SLC22A31: variants seen among roughly 807,000 people sequenced by gnomAD.
SLC22A31 encodes the protein putative solute carrier family 22 member 31.
SLC22A31 carries 42 observed loss-of-function variants against 27.4 expected under a neutral mutation model. That is an observed-to-expected ratio of 1.53 (90% CI 1.20 to 1.98). The LOEUF (loss-of-function observed/expected upper bound fraction) is 1.98, where lower values mean the gene tolerates loss of function less well. Among genes scored for constraint, SLC22A31 ranks in the 30% most tolerant of loss-of-function variants. The pLI is 0.00. For synonymous variants in SLC22A31, 290 were observed against 230.8 expected (o/e 1.26, Z -2.33); for missense variants, 593 against 479.9 (o/e 1.24, Z -2.20).
In SLC22A31 at chr16:89,198,742, C is replaced by G; in HGVS notation, c.508G>C (p.Ala170Pro). The change falls in exon 5 of 9, where the codon GCT becomes CCT. Residue 170 changes from alanine (A) to proline (P), a missense_variant. Ala to Pro is a conservative substitution (Grantham distance 27, BLOSUM62 -1). Transcript: ENST00000682282. The part of the protein sequence containing the change: ...PCWLLATGQV[A>P]RARKILWRFA... ...CGCCACAGGATCTTCCTGGCTCGAG[C>G]TACCTGACCTGTGGCCAGCAGCCAG... 1 of 1,535,610 alleles carries G rather than the reference C, an allele frequency of 6.5e-7. No homozygotes were observed. Among genetic ancestry groups the G allele is most frequent in the Non-Finnish European group, 8.7e-7 (1 of 1,146,638 alleles).
In SLC22A31 at chr16:89,195,868, G is replaced by T. The variant is rs780584117; in HGVS notation, c.*131C>A. On this transcript the variant is annotated 3_prime_UTR_variant, in exon 9 of 9. Transcript: ENST00000682282. ...GGAGACACCTTCACGCTGTCCCCACGGCTCCACCTGCACTGAGACACGGGC... is the reference window on the plus strand; with the variant it reads ...GGAGACACCTTCACGCTGTCCCCACTGCTCCACCTGCACTGAGACACGGGC... The T allele has an allele frequency of 2.7e-6, 3 of 1,115,610 alleles. No homozygotes were observed. In the South Asian group the frequency reaches 5.2e-5, roughly 20 times the overall value. The allele number at this position is 1,115,610 out of a possible 1,614,324, so 69.1% of individuals were successfully genotyped here. A position where few individuals can be genotyped will look rare whatever the true frequency, so the allele number is the denominator to read the frequency against.
intron 8 of SLC22A31, among the ~76,000 whole-genome samples, chr16:89,197,008 T>C (rs1398016808): frequency 6.6e-6 from 1 of 151,230 alleles, no homozygotes; most frequent in Non-Finnish European, 1.5e-5. Flanking sequence ...AATTCTGCCA[T>C]TTCTGGAGGC....
At position 89,196,200 on chromosome 16, in the gene SLC22A31, G is replaced by T. The variant is rs1208830461; in HGVS notation, c.1140C>A (p.Val380=). The T allele has an allele frequency of 3.3e-6, 5 of 1,535,002 alleles. No homozygotes were observed. Among genetic ancestry groups the T allele is most frequent in the Non-Finnish European group, 4.4e-6 (5 of 1,146,534 alleles). The part of the protein sequence containing the change: ...GRQGFFLQQV[V]FASLAVLALL... The stretch of plus-strand genomic sequence containing the variant: ...GGGCAAGGACAGCAAGGGAGGCGAA[G>T]ACGACTTGTTGCAGGAAGAAGCCCT... The change falls in exon 9 of 9, where the codon GTC becomes GTA. Residue 380 remains valine (V), a synonymous_variant. Coordinates refer to ENST00000682282, the MANE Select transcript of SLC22A31 (RefSeq NM_001384763.1).
At position 89,199,833 on chromosome 16, in the gene SLC22A31, C is replaced by G. The variant is rs1916377369; in HGVS notation, c.25-17G>C. 2.5e-6 allele frequency: 1 copy of G among 402,026 alleles called. No homozygotes were observed. Among genetic ancestry groups the G allele is most frequent in the Middle Eastern group, 3.1e-4 (1 of 3,208 alleles). 24.9% of individuals were successfully genotyped at this position (402,026 alleles called of 1,614,324 possible). On this transcript the variant is annotated splice_polypyrimidine_tract_variant and intron_variant, in intron 1 of 8. Coordinates refer to ENST00000682282, the MANE Select transcript of SLC22A31 (RefSeq NM_001384763.1). Reference sequence around the variant, plus strand: ...AAGGTTCCACTATGGGGAACAGCAGCCACGTGGAGGCCAGCTCAGGACCCT... The same window carrying G: ...AAGGTTCCACTATGGGGAACAGCAGGCACGTGGAGGCCAGCTCAGGACCCT...
chr16:89,199,072 G>A lies in SLC22A31; in HGVS notation c.403C>T (p.Leu135=). Residue 135 remains leucine (L), a synonymous_variant, in exon 4 of 9, where the codon CTG becomes TTG. Coordinates refer to ENST00000682282, the MANE Select transcript of SLC22A31 (RefSeq NM_001384763.1). ...CTCATCAGGGCACCCAGCCCCTGCAGAAGACGCCAGTCCTGCACAAGCGCA... is the reference window on the plus strand; with the variant it reads ...CTCATCAGGGCACCCAGCCCCTGCAAAAGACGCCAGTCCTGCACAAGCGCA... ...LAALVQDWRL[L]QGLGALMSGL... 1.3e-6 allele frequency: 2 copies of A among 1,535,664 alleles called. No homozygotes were observed. The highest frequency in any genetic ancestry group is 2.7e-5 in the African/African-American group (2 of 73,146).
In SLC22A31 at chr16:89,196,223, C is replaced by A; in HGVS notation, c.1117G>T (p.Gly373Cys). 1 of 1,534,702 alleles carries A rather than the reference C, an allele frequency of 6.5e-7. No homozygotes were observed. Among genetic ancestry groups the A allele is most frequent in the Non-Finnish European group, 8.7e-7 (1 of 1,146,490 alleles). ...AAGACGACTTGTTGCAGGAAGAAGC[C>A]CTGCCGGCCGTGCAGGGTGTCCAGG... ...GPLDTLHGRQGFFLQQVVFAS... is the reference protein window; with the variant it reads ...GPLDTLHGRQCFFLQQVVFAS... The change falls in exon 9 of 9, where the codon GGC (glycine) becomes TGC (cysteine). Residue 373 changes from glycine (G) to cysteine (C), a missense_variant. Coordinates refer to ENST00000682282, the MANE Select transcript of SLC22A31 (RefSeq NM_001384763.1).
Position 89,199,094 on chromosome 16 carries a change from C to G in SLC22A31, c.381G>C (p.Ala127=), listed in dbSNP as rs998689370. 2 of 1,535,548 alleles carry G rather than the reference C, an allele frequency of 1.3e-6. No individual in the cohort carries two copies. The highest frequency in any genetic ancestry group is 2.7e-5 in the African/African-American group (2 of 73,012). ...GCAGAAGACGCCAGTCCTGCACAAG[C>G]GCAGCCAGGCCGGGCAGCAGCAGGG... The part of the protein sequence containing the change: ...VGTLLLPGLA[A]LVQDWRLLQG... The change falls in exon 4 of 9, where the codon GCG becomes GCC. Residue 127 remains alanine, a synonymous_variant. Coordinates refer to ENST00000682282, the MANE Select transcript of SLC22A31 (RefSeq NM_001384763.1).
At chr16:89,201,059 C>T, upstream of SLC22A31, 1 of 367,186 alleles carries the variant, frequency 2.7e-6, no homozygotes, top group Admixed American at 4.6e-5. Flanking sequence ...GATTCAGCCC[C>T]CGCCCGGCCC....
chr16:89,199,566 A>G lies in SLC22A31; in HGVS notation c.130T>C (p.Phe44Leu), dbSNP rs1294616936. Residue 44 changes from phenylalanine (F) to leucine (L), a missense_variant and splice_region_variant, in exon 3 of 9, where the codon TTT (phenylalanine) becomes CTT (leucine). Coordinates refer to ENST00000682282, the MANE Select transcript of SLC22A31 (RefSeq NM_001384763.1). The part of the protein sequence containing the change: ...CVILGAGCDR[F>L]GRRAVFVASL... ...GCCACAAAAACTGCCCGGCGTCCAA[A>G]CCTGGTGGGCAGCGGGGGACATGCT... The G allele has an allele frequency of 1.1e-5, 5 of 440,978 alleles. No homozygotes were observed. Among genetic ancestry groups the G allele is most frequent in the Non-Finnish European group, 1.6e-5 (4 of 247,896 alleles). 27.3% of individuals were successfully genotyped at this position (440,978 alleles called of 1,614,324 possible).
chr16:89,196,617 C>T (rs1385814788), intron 8 of SLC22A31, among the ~76,000 whole-genome samples: 1 of 152,228 alleles, frequency 6.6e-6, no homozygotes, highest in South Asian at 2.1e-4. Flanking sequence ...TTTGGAAAAA[C>T]CTCCTTCCTC....
chr16:89,196,248 G>A lies in SLC22A31; in HGVS notation c.1092C>T (p.Pro364=), dbSNP rs1915890416. 6.5e-7 allele frequency: 1 copy of A among 1,533,438 alleles called. No homozygotes were observed. The highest frequency in any genetic ancestry group is 1.4e-5 in the African/African-American group (1 of 72,954). The allele number at this position is 1,533,438 out of a possible 1,614,324, so 95.0% of individuals were successfully genotyped here. Residue 364 remains proline (P), a synonymous_variant, in exon 9 of 9, where the codon CCC becomes CCT. Transcript: ENST00000682282. ...CCTGCCGGCCGTGCAGGGTGTCCAG[G>A]GGGCCGGCTGCCTGGCCCAGGAACC... is the stretch of plus-strand genomic sequence containing the variant. ...GAGFLGQAAG[P]LDTLHGRQGF...
In SLC22A31 at chr16:89,195,802, T is replaced by G; in HGVS notation, c.*197A>C. ...ATCCTCCACACCTACTGGGTGTGGC[T>G]GGGGGGAGACCCAGGGCCTCCCAGT... On this transcript the variant is annotated 3_prime_UTR_variant, in exon 9 of 9. Coordinates refer to ENST00000682282, the MANE Select transcript of SLC22A31 (RefSeq NM_001384763.1). 1.8e-6 allele frequency: 1 copy of G among 554,986 alleles called. No homozygotes were observed. The highest frequency in any genetic ancestry group is 3.0e-6 in the Non-Finnish European group (1 of 329,822). 34.4% of individuals were successfully genotyped at this position (554,986 alleles called of 1,614,324 possible). A position where few individuals can be genotyped will look rare whatever the true frequency, so the allele number is the denominator to read the frequency against.
At chr16:89,198,014 G>C (rs1916132850) in intron 7 of SLC22A31, 108 bp downstream of exon 7, 1 of 1,248,168 alleles carries the variant, frequency 8.0e-7, no homozygotes, top group African/African-American at 1.5e-5. Context: ...GCTGGCCTTG[G>C]GCTGCCACCC....
chr16:89,200,103 T>C (rs1202516025), intron 1 of SLC22A31: 3 of 293,866 alleles, frequency 1.0e-5, no homozygotes, highest in Non-Finnish European at 1.9e-5. Context: ...ACCATTGCTC[T>C]TCCCCCACGG....
chr16:89,201,332 G>A (rs934439414), upstream of SLC22A31: 1 of 333,870 alleles, frequency 3.0e-6, no homozygotes, highest in Non-Finnish European at 5.3e-6. Context: ...GCAGGGCCGG[G>A]TGCCGTTGCG....
chr16:89,200,047 TAA>T (rs1916399541), intron 1 of SLC22A31: 2 of 384,140 alleles, frequency 5.2e-6, no homozygotes, highest in East Asian at 3.7e-5. Flanking sequence ...CTGCCCACCC[TAA>T]GTTTTCTGCT....
At position 89,199,730 on chromosome 16, in the gene SLC22A31, C is replaced by T. The variant is rs1437941241; in HGVS notation, c.111G>A (p.Leu37=). Residue 37 remains leucine, a synonymous_variant, in exon 2 of 9, where the codon CTG becomes CTA. Coordinates refer to ENST00000682282, the MANE Select transcript of SLC22A31 (RefSeq NM_001384763.1). ...LLGWLLGCVI[L]GAGCDRFGRR... ...GGCCTCACCGGTCACAGCCTGCTCC[C>T]AGGATGACACAGCCCAGCAGCCAGC... 4.9e-6 allele frequency: 2 copies of T among 404,698 alleles called. No homozygotes were observed. Among genetic ancestry groups the T allele is most frequent in the African/African-American group, 2.1e-5 (1 of 48,754 alleles). 25.1% of individuals were successfully genotyped at this position (404,698 alleles called of 1,614,324 possible).
At chr16:89,201,473 C>G, upstream of SLC22A31, 1 of 394,022 alleles carries the variant, frequency 2.5e-6, no homozygotes. Flanking sequence ...CGGGTCCGCG[C>G]AGGGCGCGCA....
chr16:89,200,587 G>A (rs1458986123), upstream of SLC22A31, among the ~76,000 whole-genome samples: 1 of 152,156 alleles, frequency 6.6e-6, no homozygotes, highest in African/African-American at 2.4e-5. Flanking sequence ...GGGTTCCAGG[G>A]CCCCAGGCAG....
Sources: gnomAD v4.1 joint callset for allele counts (sites outside exome capture counted in the v4.1 genomes callset) on GRCh38, gnomAD v4.1.1 for gene constraint, MANE v1.5 for transcripts, NCBI Gene and HGNC (gene_info 2026-07-23, HGNC 2026-07-21) for gene names.